The following DOCK4 variants were observed in gnomAD, a reference collection of about 807,000 sequenced individuals.
The protein encoded by DOCK4 is dedicator of cytokinesis protein 4.
DOCK4 carries 97 observed loss-of-function variants against 268.1 expected under a neutral mutation model. The observed-to-expected ratio is 0.36, with a 90% CI of 0.31 to 0.43. The LOEUF (loss-of-function observed/expected upper bound fraction) is 0.43, where lower values mean the gene tolerates loss of function less well. DOCK4 is among the 20% of genes least tolerant of loss of function. DOCK4 has a pLI of 1.00. For missense variants in DOCK4, 2,145 were observed against 2,455.7 expected, an observed-to-expected ratio of 0.87 and a Z score of 2.67; for synonymous variants, 954 against 887.2, an observed-to-expected ratio of 1.08 and a Z score of -1.34.
At chr7:111,943,660 C>A (rs1586451908) in intron 10 of DOCK4, among the ~76,000 whole-genome samples, 1 of 152,136 alleles carries the variant, frequency 6.6e-6, no homozygotes, top group South Asian at 2.1e-4. Context: ...TTCAAAGATT[C>A]TTTCCAATTT....
intron 26 of DOCK4, among the ~76,000 whole-genome samples, chr7:111,827,828 G>A (rs375310757): frequency 1.2e-3 from 178 of 152,268 alleles, no homozygotes; most frequent in African/African-American, 4.0e-3. Context: ...ATTGGACTTC[G>A]TCCTGCAAGG....
At chr7:111,751,739 C>A (rs1338502550) in intron 42 of DOCK4, among the ~76,000 whole-genome samples, 1 of 152,012 alleles carries the variant, frequency 6.6e-6, no homozygotes, top group Non-Finnish European at 1.5e-5. Flanking sequence ...GCCGCCATGC[C>A]TGGCCTAAAA....
intron 27 of DOCK4, among the ~76,000 whole-genome samples, chr7:111,816,946 C>T (rs573698915): frequency 3.9e-5 from 6 of 152,234 alleles, no homozygotes; most frequent in African/African-American, 9.6e-5. Flanking sequence ...CAATGGGGCA[C>T]GCAGTGTGGA....
intron 1 of DOCK4, among the ~76,000 whole-genome samples, chr7:112,115,200 C>G (rs1425622576): frequency 6.6e-6 from 1 of 152,192 alleles, no homozygotes; most frequent in Admixed American, 6.5e-5. Flanking sequence ...AAAAGAATCA[C>G]CTGGCAATCT....
rs762641673 is a variant in DOCK4 at position 111,742,425 on chromosome 7, G to C, written c.4678-293C>G. ...TTTAGATCTATAATTATAATGCCTC[G>C]TAACAGTTATGTGTCCTTTTGGCCC... On this transcript the variant is annotated intron_variant, in intron 44 of 52. Transcript: ENST00000428084. 5.3e-5 allele frequency among the ~76,000 whole-genome samples: 8 copies of C among 152,024 alleles called. No individual in the cohort carries two copies. In the East Asian group the frequency reaches 5.8e-4, roughly 11 times the overall value.
chr7:112,000,383 T>A, intron 3 of DOCK4, 111 bp downstream of exon 3: 1 of 675,180 alleles, frequency 1.5e-6, no homozygotes, highest in Non-Finnish European at 2.5e-6. Flanking sequence ...GCAATATCAT[T>A]TGGCATTTCA....
intron 3 of DOCK4, 50 bp from the exon 4 acceptor site, chr7:111,998,553 G>C (rs2135280548): frequency 6.9e-7 from 1 of 1,446,388 alleles, no homozygotes; most frequent in African/African-American, 1.4e-5. Context: ...AGGCAGGGTT[G>C]GTTTCACAAG....
Position 112,136,608 on chromosome 7 carries a change from G to A in DOCK4, c.37+69494C>T, listed in dbSNP as rs139365052. Among the ~76,000 whole-genome samples the A allele has an allele frequency of 1.2e-3, 184 of 152,274 alleles. 2 individuals carry two copies. The East Asian group carries it at 0.033, about 27-fold the overall frequency. On this transcript the variant is annotated intron_variant, in intron 1 of 52. Coordinates refer to ENST00000428084, the MANE Select transcript of DOCK4 (RefSeq NM_001363540.2). The stretch of plus-strand genomic sequence containing the variant: ...ACAAAAGACTGGATACAAATAACTG[G>A]AGTTCAAGGTCAAATGTTGTAACTA...
intron 1 of DOCK4, among the ~76,000 whole-genome samples, chr7:112,078,239 C>T (rs1052764121): frequency 5.9e-5 from 9 of 152,068 alleles, no homozygotes; most frequent in African/African-American, 2.2e-4. Context: ...TCTGAGCTTT[C>T]CTTGAAAACA....
intron 5 of DOCK4, among the ~76,000 whole-genome samples, chr7:111,990,862 G>A (rs1036297088): frequency 9.2e-5 from 14 of 152,160 alleles, no homozygotes; most frequent in South Asian, 6.2e-4. Flanking sequence ...CCTAACAGCC[G>A]GAGAATGCAT....
At chr7:112,021,802 C>T (rs1440295740) in intron 1 of DOCK4, among the ~76,000 whole-genome samples, 1 of 152,124 alleles carries the variant, frequency 6.6e-6, no homozygotes, top group Non-Finnish European at 1.5e-5. Context: ...AGGATCAAGG[C>T]CCTGTCTACG....
intron 1 of DOCK4, among the ~76,000 whole-genome samples, chr7:112,187,447 A>G (rs1238243731): frequency 6.6e-6 from 1 of 152,058 alleles, no homozygotes; most frequent in Non-Finnish European, 1.5e-5. Context: ...TCCCTATCCC[A>G]TTTTCATTTT....
chr7:111,961,314 C>G (rs1796873489), intron 8 of DOCK4, among the ~76,000 whole-genome samples: 1 of 152,202 alleles, frequency 6.6e-6, no homozygotes, highest in Admixed American at 6.5e-5. Context: ...GATTCCTTCA[C>G]TTGTGTCTGG....
chr7:111,809,000 AT>A lies in DOCK4; in HGVS notation c.3108-122del. The A allele has an allele frequency of 3.7e-6, 4 of 1,084,826 alleles. No homozygotes were observed. In the South Asian group the frequency reaches 5.6e-5, roughly 15 times the overall value. The allele number at this position is 1,084,826 out of a possible 1,614,324, so 67.2% of individuals were successfully genotyped here. A position where few individuals can be genotyped will look rare whatever the true frequency, so the allele number is the denominator to read the frequency against. On this transcript the variant is annotated intron_variant, in intron 29 of 52. Coordinates refer to ENST00000428084, the MANE Select transcript of DOCK4 (RefSeq NM_001363540.2). Reference sequence around the variant, plus strand: ...AGGCAAGGAGTTTTTAATTAAAGACATTTAATATACATGTCACGATGCCTCT... The same window carrying A: ...AGGCAAGGAGTTTTTAATTAAAGACATTAATATACATGTCACGATGCCTCT...
chr7:111,951,803 G>A (rs550096011), intron 8 of DOCK4, among the ~76,000 whole-genome samples: 2 of 152,090 alleles, frequency 1.3e-5, no homozygotes, highest in African/African-American at 4.8e-5. Flanking sequence ...GGTCAAGGCT[G>A]CAGTGAGCCA....
intron 42 of DOCK4, among the ~76,000 whole-genome samples, chr7:111,753,013 G>GGGGC (rs1554581796): frequency 7.1e-6 from 1 of 141,722 alleles, no homozygotes; most frequent in Non-Finnish European, 1.5e-5. Flanking sequence ...ATTGGGGGGG[G>GGGGC]GGTCTGTGAT....
intron 1 of DOCK4, among the ~76,000 whole-genome samples, chr7:112,043,528 T>C (rs1332785691): frequency 1.3e-5 from 2 of 150,554 alleles, no homozygotes; most frequent in Non-Finnish European, 1.5e-5. Context: ...AAGCTATTAA[T>C]GGAGAGAATG....
At chr7:112,113,734 A>ATTT (rs57672966) in intron 1 of DOCK4, among the ~76,000 whole-genome samples, 2 of 49,546 alleles carry the variant, frequency 4.0e-5, no homozygotes, top group African/African-American at 7.2e-5. Context: ...TACTTGGCTG[A>ATTT]TTTTTTTTTT....
chr7:112,134,447 C>T (rs767224043), intron 1 of DOCK4, among the ~76,000 whole-genome samples: 16 of 152,136 alleles, frequency 1.1e-4, no homozygotes, highest in Non-Finnish European at 1.9e-4. Context: ...TGGCTGGGCA[C>T]GGTGGCTCAC....
Sources: gnomAD v4.1 joint callset for allele counts (sites outside exome capture counted in the v4.1 genomes callset) on GRCh38, gnomAD v4.1.1 for gene constraint, MANE v1.5 for transcripts, NCBI Gene and HGNC (gene_info 2026-07-23, HGNC 2026-07-21) for gene names.